The following KCNB2 variants were observed in gnomAD, a reference collection of about 807,000 sequenced individuals.
The protein encoded by KCNB2 is potassium voltage-gated channel subfamily B member 2.
In KCNB2, 15 loss-of-function variants were observed where a neutral mutation model predicts 61.5. The ratio of observed to expected loss-of-function variants is 0.24; its 90% CI spans 0.16 to 0.38. KCNB2 has a LOEUF of 0.38. Ranked by LOEUF, KCNB2 falls within the 10% of genes least tolerant of loss-of-function variation. The probability of loss-of-function intolerance (pLI) is 1.00; values close to 1 mark genes in which losing one functional copy is unlikely to be tolerated. For synonymous variants in KCNB2, 457 were observed against 446.0 expected (o/e 1.02, Z -0.31); for missense variants, 828 against 1,125.2 (o/e 0.74, Z 3.78).
At chr8:72,806,136 G>C (rs1389646371) in intron 2 of KCNB2, among the ~76,000 whole-genome samples, 1 of 152,056 alleles carries the variant, frequency 6.6e-6, no homozygotes, top group Admixed American at 6.6e-5. Context: ...AAGGTGGGTG[G>C]ATCACGAGGT....
At chr8:72,929,765 C>T (rs921832864) in intron 2 of KCNB2, among the ~76,000 whole-genome samples, 4 of 152,122 alleles carry the variant, frequency 2.6e-5, no homozygotes, top group African/African-American at 9.7e-5. Flanking sequence ...ATCTTCACTT[C>T]CCTGGCCGTA....
chr8:72,744,612 G>A (rs1808025490), intron 2 of KCNB2, among the ~76,000 whole-genome samples: 1 of 152,154 alleles, frequency 6.6e-6, no homozygotes, highest in South Asian at 2.1e-4. Context: ...GCTAAATAGA[G>A]GAAAGATGGG....
At chr8:72,643,263 TG>T (rs1332212872) in intron 2 of KCNB2, among the ~76,000 whole-genome samples, 3 of 152,136 alleles carry the variant, frequency 2.0e-5, no homozygotes, top group African/African-American at 4.8e-5. Flanking sequence ...TTCTCGTATG[TG>T]CCAGGCCCTG....
At chr8:72,803,040 C>T (rs1809157099) in intron 2 of KCNB2, among the ~76,000 whole-genome samples, 2 of 152,152 alleles carry the variant, frequency 1.3e-5, no homozygotes, top group Admixed American at 1.3e-4. Context: ...GAAAAATGAT[C>T]GCCACCATGA....
At chr8:72,778,923 C>T (rs1808710662) in intron 2 of KCNB2, among the ~76,000 whole-genome samples, 1 of 151,978 alleles carries the variant, frequency 6.6e-6, no homozygotes, top group Admixed American at 6.6e-5. Flanking sequence ...TAGCATTTGG[C>T]TGGCGTGTTC....
At chr8:72,631,589 G>C (rs934453039) in intron 2 of KCNB2, among the ~76,000 whole-genome samples, 2 of 152,148 alleles carry the variant, frequency 1.3e-5, no homozygotes, top group Non-Finnish European at 1.5e-5. Context: ...TTCTGAATGA[G>C]GTCACATTCT....
chr8:72,930,504 T>C (rs940890724), intron 2 of KCNB2, among the ~76,000 whole-genome samples: 5 of 152,218 alleles, frequency 3.3e-5, no homozygotes, highest in African/African-American at 1.2e-4. Flanking sequence ...TGGTGTGAGA[T>C]GGTATTTCAT....
intron 2 of KCNB2, among the ~76,000 whole-genome samples, chr8:72,867,424 G>A (rs1805542392): frequency 6.6e-6 from 1 of 152,154 alleles, no homozygotes. Flanking sequence ...GAGGCGGGTG[G>A]ATTGCTTAAG....
At chr8:72,746,547 TGA>T (rs1260638270) in intron 2 of KCNB2, among the ~76,000 whole-genome samples, 2 of 152,198 alleles carry the variant, frequency 1.3e-5, no homozygotes, top group Non-Finnish European at 2.9e-5. Flanking sequence ...ATTTCATGTC[TGA>T]CGGCCTAATG....
intron 2 of KCNB2, among the ~76,000 whole-genome samples, chr8:72,856,308 T>A (rs937677028): frequency 1.3e-5 from 2 of 152,154 alleles, no homozygotes; most frequent in Non-Finnish European, 2.9e-5. Context: ...TAGTGCATAT[T>A]TTACACTTAC....
intron 2 of KCNB2, among the ~76,000 whole-genome samples, chr8:72,899,176 T>G (rs1806042129): frequency 6.6e-6 from 1 of 152,062 alleles, no homozygotes; most frequent in South Asian, 2.1e-4. Context: ...GAAAAAGCCT[T>G]CAATAAAACC....
intron 2 of KCNB2, among the ~76,000 whole-genome samples, chr8:72,851,119 T>C (rs1810096958): frequency 6.6e-6 from 1 of 152,302 alleles, no homozygotes; most frequent in Admixed American, 6.5e-5. Context: ...GCAAAGTCTA[T>C]AAAGATTATG....
intron 2 of KCNB2, among the ~76,000 whole-genome samples, chr8:72,909,878 G>A (rs1336893230): frequency 1.3e-5 from 2 of 152,108 alleles, no homozygotes. Context: ...TAGTGCCAGA[G>A]GAAAGATGGT....
At chr8:72,869,879 G>A (rs1369517404) in intron 2 of KCNB2, among the ~76,000 whole-genome samples, 3 of 152,110 alleles carry the variant, frequency 2.0e-5, no homozygotes, top group South Asian at 2.1e-4. Flanking sequence ...TTTCAAGGTG[G>A]TATCTGCACC....
chr8:72,622,342 A>G (rs1805726085), intron 2 of KCNB2, among the ~76,000 whole-genome samples: 6 of 152,238 alleles, frequency 3.9e-5, no homozygotes, highest in Admixed American at 3.9e-4. Flanking sequence ...CTTTCACTGT[A>G]ATCCAAGAGT....
chr8:72,910,655 C>G (rs1806271957), intron 2 of KCNB2, among the ~76,000 whole-genome samples: 1 of 152,120 alleles, frequency 6.6e-6, no homozygotes, highest in Admixed American at 6.6e-5. Context: ...ACATTGAATT[C>G]AGGGACAAGT....
At chr8:72,794,391 C>A (rs1379767713) in intron 2 of KCNB2, among the ~76,000 whole-genome samples, 6 of 151,778 alleles carry the variant, frequency 4.0e-5, no homozygotes, top group African/African-American at 1.5e-4. Context: ...ATGGTGAAAC[C>A]CCGTCTCTAC....
chr8:72,646,759 T>G (rs1176764374), intron 2 of KCNB2, among the ~76,000 whole-genome samples: 2 of 151,912 alleles, frequency 1.3e-5, no homozygotes, highest in Non-Finnish European at 2.9e-5. Context: ...GCTTAGTGAG[T>G]ATGAGGTGTT....
chr8:72,538,228 A>C (rs948262887), intron 1 of KCNB2, among the ~76,000 whole-genome samples: 1 of 152,002 alleles, frequency 6.6e-6, no homozygotes, highest in Non-Finnish European at 1.5e-5. Context: ...GGATTTAGGG[A>C]GTGTGATGTC....
Sources: gnomAD v4.1 joint callset for allele counts (sites outside exome capture counted in the v4.1 genomes callset) on GRCh38, gnomAD v4.1.1 for gene constraint, MANE v1.5 for transcripts, NCBI Gene and HGNC (gene_info 2026-07-23, HGNC 2026-07-21) for gene names.